The following UBTF variants were observed in gnomAD, a reference collection of about 807,000 sequenced individuals.
The protein encoded by UBTF is upstream binding transcription factor.
In UBTF, 8 loss-of-function variants were observed where a neutral mutation model predicts 112.3. That is an observed-to-expected ratio of 0.07 (90% CI 0.04 to 0.13). The LOEUF is 0.13. Ranked by LOEUF, UBTF falls within the 10% of genes least tolerant of loss-of-function variation. The probability of loss-of-function intolerance (pLI) is 1.00; values close to 1 mark genes in which losing one functional copy is unlikely to be tolerated. For missense variants in UBTF, 457 were observed against 982.1 expected, an observed-to-expected ratio of 0.47 and a Z score of 7.15; for synonymous variants, 417 against 373.1, an observed-to-expected ratio of 1.12 and a Z score of -1.36.
chr17:44,218,820 G>T (rs1287160387), intron 1 of UBTF, among the ~76,000 whole-genome samples: 1 of 150,034 alleles, frequency 6.7e-6, no homozygotes, highest in East Asian at 2.0e-4. Context: ...GCCCCGGAGC[G>T]GAGCGGCCGC....
At position 44,215,909 on chromosome 17, in the gene UBTF, G is replaced by A. The variant is rs762796485; in HGVS notation, c.315C>T (p.Leu105=). The A allele has an allele frequency of 1.2e-6, 2 of 1,614,020 alleles. No individual in the cohort carries two copies. The change falls in exon 4 of 21, where the codon CTC becomes CTT. Residue 105 remains leucine (L), a synonymous_variant. Transcript: ENST00000436088. ...GCTCCTCCTCCTAGTAACTCACCTT[G>A]AGTTTTTTGCCTTTGTAAGGATTTT... ...HVKNPYKGKK[L]KKHPDFPKKP... is the part of the protein sequence containing the mutation.
upstream of UBTF, chr17:44,219,703 AGCCCGCCCGCC>A (rs2047072095): frequency 6.7e-6 from 1 of 149,724 alleles, no homozygotes; most frequent in African/African-American, 2.5e-5. Context: ...GCCTGCAGGC[AGCCCGCCCGCC>A]GCCGGCCCCG....
chr17:44,208,760 C>T (rs1261915369), intron 17 of UBTF: 1 of 201,390 alleles, frequency 5.0e-6, no homozygotes, highest in Non-Finnish European at 1.1e-5. Flanking sequence ...GCACAAAGGC[C>T]AGGAGTCTAG....
intron 5 of UBTF, among the ~76,000 whole-genome samples, chr17:44,213,869 CCTT>C (rs1447629553): frequency 1.3e-5 from 2 of 152,238 alleles, no homozygotes; most frequent in Admixed American, 1.3e-4. Context: ...CACACCATCA[CCTT>C]CTTCTCTTTC....
chr17:44,208,983 G>A lies in UBTF; in HGVS notation c.1905+369C>T, dbSNP rs150803039. On this transcript the variant is annotated intron_variant, in intron 17 of 20. Transcript: ENST00000436088. ...GCGGATCACATGAGGTCAGGAGTTC[G>A]AGACCAGCCTGCCCATCTCTACTAA... is the stretch of plus-strand genomic sequence containing the variant. 2,001 of 319,844 alleles carry A rather than the reference G, an allele frequency of 6.3e-3. 41 individuals are homozygous for A. The highest frequency in any genetic ancestry group is 0.043 in the African/African-American group (1,877 of 43,630). The allele number at this position is 319,844 out of a possible 1,614,324, so 19.8% of individuals were successfully genotyped here. A position where few individuals can be genotyped will look rare whatever the true frequency, so the allele number is the denominator to read the frequency against.
rs1435237720 is a variant in UBTF at position 44,218,326 on chromosome 17, G to A, written c.-67-30C>T. The A allele has an allele frequency of 1.2e-5, 16 of 1,375,106 alleles. No homozygotes were observed. The South Asian group carries it at 1.5e-4, about 13-fold the overall frequency. The allele number at this position is 1,375,106 out of a possible 1,614,324, so 85.2% of individuals were successfully genotyped here. A position where few individuals can be genotyped will look rare whatever the true frequency, so the allele number is the denominator to read the frequency against. ...GGAAGACATACCAGTTCCCACTCAG[G>A]AAGGCTGAGAGGTGAACGACTAACG... On this transcript the variant is annotated intron_variant, in intron 1 of 20. Coordinates refer to ENST00000436088, the MANE Select transcript of UBTF (RefSeq NM_014233.4).
Position 44,208,937 on chromosome 17 carries a change from T to G in UBTF, c.1905+415A>C, listed in dbSNP as rs890136971. The G allele has an allele frequency of 1.2e-5, 4 of 345,864 alleles. No homozygotes were observed. The Admixed American group carries it at 1.5e-4, about 13-fold the overall frequency. The allele number at this position is 345,864 out of a possible 1,614,324, so 21.4% of individuals were successfully genotyped here. A position where few individuals can be genotyped will look rare whatever the true frequency, so the allele number is the denominator to read the frequency against. ...CGGTGGCTCAAGCCTGTAGTCCCAG[T>G]GCTTTGGGAGGCCGAGGTGGGCGGA... On this transcript the variant is annotated intron_variant, in intron 17 of 20. Coordinates refer to ENST00000436088, the MANE Select transcript of UBTF (RefSeq NM_014233.4).
chr17:44,220,356 C>G (rs1431883519), upstream of UBTF, among the ~76,000 whole-genome samples: 1 of 151,832 alleles, frequency 6.6e-6, no homozygotes, highest in Non-Finnish European at 1.5e-5. Flanking sequence ...CAGGCCAGCT[C>G]TCTCCCGCCT....
At chr17:44,209,097 AGG>A in intron 17 of UBTF, 1 of 280,624 alleles carries the variant, frequency 3.6e-6, no homozygotes, top group South Asian at 7.4e-5. Flanking sequence ...TGAACCTGGG[AGG>A]TGGAGGTTGC....
At chr17:44,216,972 C>T (rs562582307) in intron 2 of UBTF, among the ~76,000 whole-genome samples, 10 of 152,316 alleles carry the variant, frequency 6.6e-5, no homozygotes, top group African/African-American at 2.4e-4. Context: ...ATCATTTATA[C>T]TGTGCCAAGC....
At chr17:44,212,314 G>A (rs773225642) in intron 8 of UBTF, 30 bp downstream of exon 8, 24 of 1,585,524 alleles carry the variant, frequency 1.5e-5, no homozygotes, top group Middle Eastern at 1.9e-4. Flanking sequence ...GTGAAGAGCC[G>A]GACGGGGAGG....
rs3837836 is a variant in UBTF at position 44,206,413 on chromosome 17, T to TACACACACACACACACAC, written c.*811_*828dup. ...ATGTGGGCTCTAGGACAGACCCCTT[T>TACACACACACACACACAC]ACACACACACACACACACTCACACT... On this transcript the variant is annotated 3_prime_UTR_variant, in exon 21 of 21. Coordinates refer to ENST00000436088, the MANE Select transcript of UBTF (RefSeq NM_014233.4). 2 of 146,702 alleles carry TACACACACACACACACAC rather than the reference T, an allele frequency of 1.4e-5. No individual in the cohort carries two copies. Among genetic ancestry groups the TACACACACACACACACAC allele is most frequent in the African/African-American group, 5.1e-5 (2 of 39,016 alleles). 9.1% of individuals were successfully genotyped at this position (146,702 alleles called of 1,614,324 possible). A position where few individuals can be genotyped will look rare whatever the true frequency, so the allele number is the denominator to read the frequency against.
chr17:44,213,439 C>G, intron 5 of UBTF, 157 bp from the exon 6 acceptor site: 1 of 743,648 alleles, frequency 1.3e-6, no homozygotes, highest in Non-Finnish European at 2.1e-6. Flanking sequence ...GCGGGACTCA[C>G]CACAGAGCAG....
chr17:44,209,237 G>C, intron 17 of UBTF, 115 bp downstream of exon 17: 2 of 1,083,708 alleles, frequency 1.8e-6, no homozygotes, highest in Non-Finnish European at 1.3e-6. Flanking sequence ...CGAGGGCATG[G>C]AATGAAATCA....
chr17:44,218,787 C>A (rs1408394199), intron 1 of UBTF, among the ~76,000 whole-genome samples: 1 of 150,688 alleles, frequency 6.6e-6, no homozygotes, highest in Non-Finnish European at 1.5e-5. Context: ...GGCGGGGACC[C>A]GGACGCAGCG....
Position 44,212,035 on chromosome 17 carries a change from C to G in UBTF, c.772-29G>C, listed in dbSNP as rs756133301. ...CAGAGCCAGGTGGGGGGACGGAGGG[C>G]AATGGGGTGTGGAGTTAGCTAGGGC... On this transcript the variant is annotated intron_variant, in intron 8 of 20. Coordinates refer to ENST00000436088, the MANE Select transcript of UBTF (RefSeq NM_014233.4). 16 of 1,564,724 alleles carry G rather than the reference C, an allele frequency of 1.0e-5. No homozygotes were observed. The African/African-American group carries it at 1.4e-4, about 14-fold the overall frequency.
At chr17:44,212,128 G>A in intron 8 of UBTF, 122 bp from the exon 9 acceptor site, 1 of 1,025,622 alleles carries the variant, frequency 9.8e-7, no homozygotes, top group Non-Finnish European at 1.4e-6. Context: ...GCGCGTCAGT[G>A]GTGTCACACG....
chr17:44,209,620 G>GGCA, intron 16 of UBTF, 25 bp downstream of exon 16: 1 of 1,614,066 alleles, frequency 6.2e-7, no homozygotes, highest in Non-Finnish European at 8.5e-7. Flanking sequence ...CGACCTCCAG[G>GGCA]GCAGACTCCA....
intron 1 of UBTF, 183 bp downstream of exon 1, chr17:44,219,262 G>A (rs2047036821): frequency 6.6e-6 from 1 of 151,058 alleles, no homozygotes; most frequent in Non-Finnish European, 1.5e-5. Flanking sequence ...GCTCGGCTCA[G>A]GCCTCGCTTC....
Sources: allele counts gnomAD v4.1 joint callset (sites outside exome capture counted in the v4.1 genomes callset), GRCh38; gene constraint gnomAD v4.1.1; transcripts MANE v1.5; gene names NCBI Gene and HGNC (gene_info 2026-07-23, HGNC 2026-07-21).